PHC3: variants seen among roughly 807,000 people sequenced by gnomAD.
PHC3 encodes polyhomeotic-like protein 3.
PHC3 carries 13 observed loss-of-function variants against 107.4 expected under a neutral mutation model. That is an observed-to-expected ratio of 0.12 (90% CI 0.08 to 0.19). PHC3 has a LOEUF of 0.19. Ranked by LOEUF, PHC3 falls within the 10% of genes least tolerant of loss-of-function variation. The pLI, the probability that PHC3 is intolerant of heterozygous loss-of-function variation, is 1.00. For missense variants in PHC3, 992 were observed against 1,210.9 expected (o/e 0.82, Z 2.68); for synonymous variants, 456 against 427.4 (o/e 1.07, Z -0.83).
intron 11 of PHC3, among the ~76,000 whole-genome samples, chr3:170,111,676 A>G (rs1365043653): frequency 6.6e-6 from 1 of 152,230 alleles, no homozygotes; most frequent in African/African-American, 2.4e-5. Context: ...ATAAGTAGTA[A>G]AAATCAAATT....
chr3:170,109,526 A>G (rs1302192283), intron 11 of PHC3, among the ~76,000 whole-genome samples: 1 of 152,140 alleles, frequency 6.6e-6, no homozygotes, highest in Non-Finnish European at 1.5e-5. Context: ...TTAAATTCCT[A>G]TCTTCTTTAA....
At chr3:170,175,488 T>C (rs933410818) in intron 2 of PHC3, among the ~76,000 whole-genome samples, 5 of 151,796 alleles carry the variant, frequency 3.3e-5, no homozygotes, top group African/African-American at 1.2e-4. Context: ...ATAAAAAAAT[T>C]AGCCAAGCAT....
chr3:170,152,952 G>A (rs958913863), intron 4 of PHC3, among the ~76,000 whole-genome samples: 11 of 152,182 alleles, frequency 7.2e-5, no homozygotes, highest in Admixed American at 5.2e-4. Context: ...ATGAGCCATC[G>A]CACCAGACCA....
intron 12 of PHC3, among the ~76,000 whole-genome samples, chr3:170,105,579 T>C (rs1298975094): frequency 4.6e-5 from 7 of 152,226 alleles, no homozygotes; most frequent in African/African-American, 1.7e-4. Flanking sequence ...ATTTAATACA[T>C]TCATATAATC....
rs1577263237 is a variant in PHC3, at chr3:170,171,148, G to C, written c.414+225C>G. The C allele has an allele frequency of 7.0e-6, 4 of 572,386 alleles. No homozygotes were observed. The South Asian group carries it at 7.2e-5, about 10-fold the overall frequency. The allele number at this position is 572,386 out of a possible 1,614,324, so 35.5% of individuals were successfully genotyped here. On this transcript the variant is annotated intron_variant, in intron 4 of 14. Transcript: ENST00000495893. ...GATCTGAACATGATCAGTGCAAATGGATATACAAGAAATAATACAAAAAGA... is the reference window on the plus strand; with the variant it reads ...GATCTGAACATGATCAGTGCAAATGCATATACAAGAAATAATACAAAAAGA...
intron 14 of PHC3, 77 bp downstream of exon 14, chr3:170,102,402 A>T (rs114904945): frequency 0.013 from 20,802 of 1,542,726 alleles, 204 homozygotes; most frequent in Middle Eastern, 0.024. Flanking sequence ...TTTTGTGCAA[A>T]AGGTGTGGAT....
intron 4 of PHC3, among the ~76,000 whole-genome samples, chr3:170,163,004 C>T (rs1368995370): frequency 6.6e-6 from 1 of 152,032 alleles, no homozygotes; most frequent in Non-Finnish European, 1.5e-5. Flanking sequence ...TATTTCCTTG[C>T]TTTATTTTTC....
chr3:170,119,132 C>G (rs754511476), intron 9 of PHC3, among the ~76,000 whole-genome samples: 5 of 148,432 alleles, frequency 3.4e-5, no homozygotes, highest in Non-Finnish European at 7.4e-5. Context: ...ATTGTACAAA[C>G]ATATTATCAA....
rs1366559698 is a variant in PHC3, at chr3:170,146,525, TTTTC to T, written c.574-1008_574-1005del. 1.2e-4 allele frequency among the ~76,000 whole-genome samples: 17 copies of T among 142,052 alleles called. No homozygotes were observed. The East Asian group carries it at 2.3e-3, about 19-fold the overall frequency. The allele number at this position is 142,052 out of a possible 152,430, so 93.2% of individuals were successfully genotyped here. ...TACTTATCACTTTCCTTTTTTTTCC[TTTTC>T]TTTTTCTTTTTTTTTTTTTTTTGGT... On this transcript the variant is annotated intron_variant, in intron 5 of 14. Coordinates refer to ENST00000495893, the MANE Select transcript of PHC3 (RefSeq NM_024947.4).
intron 4 of PHC3, among the ~76,000 whole-genome samples, chr3:170,166,835 C>CT (rs1728817069): frequency 6.6e-6 from 1 of 151,788 alleles, no homozygotes; most frequent in South Asian, 2.1e-4. Context: ...TGGCTAATTT[C>CT]TTTTTATTAG....
intron 8 of PHC3, among the ~76,000 whole-genome samples, chr3:170,128,002 G>C (rs2108455613): frequency 6.6e-6 from 1 of 152,080 alleles, no homozygotes; most frequent in Non-Finnish European, 1.5e-5. Context: ...CATCTACCAA[G>C]ATTTTTTGAC....
chr3:170,163,064 C>G (rs1250655514), intron 4 of PHC3, among the ~76,000 whole-genome samples: 1 of 152,154 alleles, frequency 6.6e-6, no homozygotes, highest in African/African-American at 2.4e-5. Flanking sequence ...TAATGTTCGT[C>G]TATCCCTAGC....
intron 4 of PHC3, among the ~76,000 whole-genome samples, chr3:170,167,440 T>C (rs750282790): frequency 2.0e-4 from 31 of 152,220 alleles, no homozygotes; most frequent in South Asian, 2.1e-4. Context: ...ATTATTGATA[T>C]GTTAAATATA....
Position 170,136,469 on chromosome 3 carries a change from C to T in PHC3, c.869G>A (p.Arg290Gln). Residue 290 changes from arginine (R) to glutamine (Q), a missense_variant, in exon 7 of 15, where the codon CGA becomes CAA. By Grantham distance (43) the Arg-to-Gln change is conservative. Around this residue, in one of 6 missense-constraint regions of PHC3, gnomAD observed 543 missense variants for 590.8 expected, o/e 0.92. Transcript: ENST00000495893. ...KKGESPSLESRSTAVTRTSSI... is the reference protein window; with the variant it reads ...KKGESPSLESQSTAVTRTSSI... Reference sequence around the variant, plus strand: ...TGATGTCCGGGTGACAGCTGTGCTTCGTGATTCCAGGCTTGGGCTCTCTCC... The same window carrying T: ...TGATGTCCGGGTGACAGCTGTGCTTTGTGATTCCAGGCTTGGGCTCTCTCC... 3 of 1,604,404 alleles carry T rather than the reference C, an allele frequency of 1.9e-6. No homozygotes were observed. Among genetic ancestry groups the T allele is most frequent in the Non-Finnish European group, 1.7e-6 (2 of 1,176,492 alleles).
At chr3:170,143,131 T>C (rs776484903) in intron 6 of PHC3, among the ~76,000 whole-genome samples, 6 of 152,298 alleles carry the variant, frequency 3.9e-5, no homozygotes, top group South Asian at 2.1e-4. Context: ...TGAGCCATGA[T>C]TGACCCACTG....
intron 4 of PHC3, among the ~76,000 whole-genome samples, chr3:170,161,069 C>A (rs1727815604): frequency 6.6e-6 from 1 of 152,220 alleles, no homozygotes; most frequent in Non-Finnish European, 1.5e-5. Flanking sequence ...TACCATACAT[C>A]TTTCAACAAG....
In PHC3 at chr3:170,171,454, A is replaced by G; in HGVS notation, c.337-4T>C. The G allele has an allele frequency of 6.3e-7, 1 of 1,579,300 alleles. No homozygotes were observed. The highest frequency in any genetic ancestry group is 8.6e-7 in the Non-Finnish European group (1 of 1,164,752). On this transcript the variant is annotated splice_polypyrimidine_tract_variant and splice_region_variant and intron_variant, in intron 3 of 14. Coordinates refer to ENST00000495893, the MANE Select transcript of PHC3 (RefSeq NM_024947.4). ...GTCTTCCACTGGACAAACTTGCCTA[A>G]AATAGTAAGACTTTTAGAATATGTC...
rs1203894075 is a variant in PHC3, at chr3:170,089,929, GAAAAAAAAAAAA to G, written c.*7289_*7300del. The stretch of plus-strand genomic sequence containing the variant: ...GAACCCATCTCAAAAAAAAAAAAAA[GAAAAAAAAAAAA>G]AAAGAAAGAAAGTTGCTCACTGTCA... On this transcript the variant is annotated 3_prime_UTR_variant, in exon 15 of 15. Transcript: ENST00000495893. 1 of 100,706 alleles carries G rather than the reference GAAAAAAAAAAAA, an allele frequency of 9.9e-6. No individual in the cohort carries two copies. Among genetic ancestry groups the G allele is most frequent in the Admixed American group, 1.0e-4 (1 of 9,546 alleles). 6.2% of individuals were successfully genotyped at this position (100,706 alleles called of 1,614,324 possible).
chr3:170,176,802 T>G (rs985096149), intron 2 of PHC3: 11 of 420,966 alleles, frequency 2.6e-5, no homozygotes, highest in African/African-American at 2.0e-4. Flanking sequence ...TTCTAGATAC[T>G]TCATTAATCT....
Sources: gnomAD v4.1 joint callset for allele counts (sites outside exome capture counted in the v4.1 genomes callset) on GRCh38, gnomAD v4.1.1 for gene constraint, gnomAD v4.1.1 regional missense constraint, MANE v1.5 for transcripts, NCBI Gene and HGNC (gene_info 2026-07-23, HGNC 2026-07-21) for gene names.